The following KLHL14 variants were observed in gnomAD, a reference collection of about 807,000 sequenced individuals.
KLHL14 encodes the protein kelch-like protein 14.
In KLHL14, 22 loss-of-function variants were observed where a neutral mutation model predicts 64.3. The ratio of observed to expected loss-of-function variants is 0.34; its 90% CI spans 0.24 to 0.49. The LOEUF (loss-of-function observed/expected upper bound fraction) is 0.49. KLHL14 is among the 20% of genes least tolerant of loss of function. The pLI is 0.99. For missense variants in KLHL14, 661 were observed against 789.0 expected, an observed-to-expected ratio of 0.84 and a Z score of 1.94; for synonymous variants, 322 against 333.4, an observed-to-expected ratio of 0.97 and a Z score of 0.37.
At chr18:32,714,021 A>C (rs2050032901) in intron 3 of KLHL14, among the ~76,000 whole-genome samples, 1 of 151,138 alleles carries the variant, frequency 6.6e-6, no homozygotes, top group African/African-American at 2.5e-5. Flanking sequence ...CATGAGAGTG[A>C]TATACTAATA....
At chr18:32,719,498 C>T (rs1296515127) in intron 3 of KLHL14, among the ~76,000 whole-genome samples, 3 of 152,098 alleles carry the variant, frequency 2.0e-5, no homozygotes, top group South Asian at 2.1e-4. Flanking sequence ...ATTTTATATA[C>T]GTCAAACAAG....
chr18:32,679,171 C>CGAATGAATATAAACTTGAT (rs1209673037), intron 7 of KLHL14, among the ~76,000 whole-genome samples: 2 of 152,020 alleles, frequency 1.3e-5, no homozygotes, highest in East Asian at 1.9e-4. Context: ...ATGAACTTGA[C>CGAATGAATATAAACTTGAT]GAATGAACAT....
At chr18:32,697,488 T>C (rs1447166815) in intron 3 of KLHL14, among the ~76,000 whole-genome samples, 1 of 152,232 alleles carries the variant, frequency 6.6e-6, no homozygotes, top group Non-Finnish European at 1.5e-5. Flanking sequence ...GAACTTATTC[T>C]ATGACCACAG....
At chr18:32,717,774 C>T (rs2050053643) in intron 3 of KLHL14, among the ~76,000 whole-genome samples, 2 of 152,220 alleles carry the variant, frequency 1.3e-5, no homozygotes, top group South Asian at 2.1e-4. Context: ...TTCATCAATA[C>T]ACTCACTAAA....
chr18:32,769,043 T>C (rs1000262670), intron 2 of KLHL14, among the ~76,000 whole-genome samples: 34 of 152,362 alleles, frequency 2.2e-4, no homozygotes, highest in Admixed American at 1.8e-3. Flanking sequence ...CCTGGGCACA[T>C]GATACCAGCA....
intron 4 of KLHL14, among the ~76,000 whole-genome samples, chr18:32,689,025 G>C (rs1378349963): frequency 6.6e-6 from 1 of 152,192 alleles, no homozygotes; most frequent in Non-Finnish European, 1.5e-5. Context: ...ATGGCTGCTA[G>C]GTTTTTAGCC....
chr18:32,713,792 T>G (rs2050031785), intron 3 of KLHL14, among the ~76,000 whole-genome samples: 3 of 152,284 alleles, frequency 2.0e-5, no homozygotes, highest in Non-Finnish European at 2.9e-5. Flanking sequence ...AAACTAATAT[T>G]TATTCAATGA....
chr18:32,709,034 G>T (rs2050005106), intron 3 of KLHL14, among the ~76,000 whole-genome samples: 1 of 152,092 alleles, frequency 6.6e-6, no homozygotes, highest in Non-Finnish European at 1.5e-5. Context: ...TACTGAGAAA[G>T]TCCTTCTAAA....
At chr18:32,699,638 A>G (rs901897780) in intron 3 of KLHL14, among the ~76,000 whole-genome samples, 13 of 152,122 alleles carry the variant, frequency 8.5e-5, no homozygotes, top group African/African-American at 2.2e-4. Context: ...CTGATTTTCA[A>G]TAGGTATGTT....
chr18:32,699,879 A>T (rs1194659427), intron 3 of KLHL14, among the ~76,000 whole-genome samples: 1 of 152,082 alleles, frequency 6.6e-6, no homozygotes, highest in African/African-American at 2.4e-5. Flanking sequence ...AGCCAGAAAA[A>T]ACACTGAGAA....
chr18:32,755,858 G>T (rs1185810783), intron 2 of KLHL14, among the ~76,000 whole-genome samples: 2 of 152,106 alleles, frequency 1.3e-5, no homozygotes, highest in Non-Finnish European at 1.5e-5. Context: ...TGAGGAAAAA[G>T]GATCTGAATT....
chr18:32,739,574 C>G (rs2050184389), intron 3 of KLHL14, among the ~76,000 whole-genome samples: 1 of 151,188 alleles, frequency 6.6e-6, no homozygotes, highest in African/African-American at 2.4e-5. Flanking sequence ...TATTTCAAAG[C>G]CATAAGTATG....
chr18:32,727,422 A>T (rs895684127), intron 3 of KLHL14, among the ~76,000 whole-genome samples: 2 of 152,212 alleles, frequency 1.3e-5, no homozygotes, highest in African/African-American at 4.8e-5. Context: ...ATACATTTAA[A>T]TTATGAGAAC....
chr18:32,769,798 C>G lies in KLHL14; in HGVS notation c.794G>C (p.Arg265Pro), dbSNP rs966511193. ...CTCCGGGGCCGGGATGAGGGCGAAG[C>G]GGAGGCGCTTCATGAGGTCAGGCGC... Reference protein sequence around the residue: ...QYAPDLMKRLRFALIPAPELV... With the variant: ...QYAPDLMKRLPFALIPAPELV... Residue 265 changes from arginine to proline, a missense_variant, in exon 2 of 9, where the codon CGC becomes CCC. Physicochemically the swap from Arg to Pro is moderately radical, Grantham distance 103. Transcript: ENST00000359358. 3.1e-6 allele frequency: 5 copies of G among 1,611,140 alleles called. No individual in the cohort carries two copies. The highest frequency in any genetic ancestry group is 4.2e-6 in the Non-Finnish European group (5 of 1,178,182).
At chr18:32,690,551 A>G (rs1313746759) in intron 4 of KLHL14, among the ~76,000 whole-genome samples, 3 of 152,094 alleles carry the variant, frequency 2.0e-5, no homozygotes, top group African/African-American at 7.2e-5. Flanking sequence ...CAACATGGTG[A>G]AACCCCAGCT....
At chr18:32,759,290 A>G (rs1360058147) in intron 2 of KLHL14, among the ~76,000 whole-genome samples, 1 of 152,214 alleles carries the variant, frequency 6.6e-6, no homozygotes, top group Non-Finnish European at 1.5e-5. Context: ...ATGCTTCAGC[A>G]GAAGCATAAT....
intron 2 of KLHL14, among the ~76,000 whole-genome samples, chr18:32,769,423 T>C (rs1019969188): frequency 1.4e-4 from 21 of 152,320 alleles, no homozygotes; most frequent in African/African-American, 5.1e-4. Flanking sequence ...ACCTCGGCTT[T>C]GGAGCGCTCA....
At chr18:32,712,051 T>C (rs546381289) in intron 3 of KLHL14, among the ~76,000 whole-genome samples, 1 of 152,256 alleles carries the variant, frequency 6.6e-6, no homozygotes, top group East Asian at 1.9e-4. Flanking sequence ...TGGCCCACCA[T>C]TTGTTTTTGT....
chr18:32,749,777 G>C (rs1248289496), intron 2 of KLHL14, among the ~76,000 whole-genome samples: 1 of 152,140 alleles, frequency 6.6e-6, no homozygotes, highest in African/African-American at 2.4e-5. Flanking sequence ...TGGTGGTACA[G>C]CAGCAATGTA....
Sources: allele counts gnomAD v4.1 joint callset (sites outside exome capture counted in the v4.1 genomes callset), GRCh38; gene constraint gnomAD v4.1.1; transcripts MANE v1.5; gene names NCBI Gene and HGNC (gene_info 2026-07-23, HGNC 2026-07-21).